The following PSMA3 variants were observed in gnomAD, a reference collection of about 807,000 sequenced individuals.
PSMA3 encodes the protein proteasome subunit alpha type-3.
Under a neutral mutation model 40.0 loss-of-function variants are expected in PSMA3, and 8 were observed. The observed-to-expected ratio is 0.20, with a 90% confidence interval of 0.12 to 0.36. The LOEUF (loss-of-function observed/expected upper bound fraction) is 0.36, where lower values mean the gene tolerates loss of function less well. Ranked by LOEUF, PSMA3 falls within the 10% of genes least tolerant of loss-of-function variation. The pLI, the probability that PSMA3 is intolerant of heterozygous loss-of-function variation, is 1.00. For synonymous variants in PSMA3, 110 were observed against 100.0 expected (o/e 1.10, Z -0.59); for missense variants, 219 against 310.6 (o/e 0.70, Z 2.22).
chr14:58,270,386 C>T (rs767156473), intron 8 of PSMA3, 32 bp from the exon 9 acceptor site: 1 of 1,611,614 alleles, frequency 6.2e-7, no homozygotes, highest in Non-Finnish European at 8.5e-7. Flanking sequence ...TTGGAGGTTA[C>T]CAAAATCTTA....
intron 3 of PSMA3, among the ~76,000 whole-genome samples, chr14:58,255,202 TAC>T: frequency 6.6e-6 from 1 of 151,684 alleles, no homozygotes; most frequent in South Asian, 2.1e-4. Context: ...TTTTTTTAAA[TAC>T]ACACATAGTG....
intron 3 of PSMA3, among the ~76,000 whole-genome samples, chr14:58,256,663 C>T (rs544373207): frequency 2.0e-5 from 3 of 151,760 alleles, no homozygotes; most frequent in East Asian, 3.9e-4. Flanking sequence ...CCACCTGCCT[C>T]AGCCTCCCAA....
intron 2 of PSMA3, among the ~76,000 whole-genome samples, chr14:58,251,110 GAAGA>G (rs1003605503): frequency 6.6e-5 from 10 of 151,964 alleles, no homozygotes; most frequent in African/African-American, 2.4e-4. Flanking sequence ...TTAAAAAAAA[GAAGA>G]AAGAGAAAGT....
rs932635360 is a variant in PSMA3 at position 58,267,644 on chromosome 14, A to G, written c.590+124A>G. On this transcript the variant is annotated intron_variant, in intron 8 of 10. Coordinates refer to ENST00000216455, the MANE Select transcript of PSMA3 (RefSeq NM_002788.4). ...ACTTAGTGTATAATTTTTAGAAGGT[A>G]AATTTAACATTCTAAGAAGCCTCAC... is the stretch of plus-strand genomic sequence containing the variant. 1.7e-5 allele frequency: 22 copies of G among 1,277,950 alleles called. No homozygotes were observed. In the African/African-American group the frequency reaches 3.2e-4, roughly 19 times the overall value. The allele number at this position is 1,277,950 out of a possible 1,614,324, so 79.2% of individuals were successfully genotyped here.
At chr14:58,256,682 G>T (rs142928654) in intron 3 of PSMA3, among the ~76,000 whole-genome samples, 2,094 of 151,928 alleles carry the variant, frequency 0.014, 45 homozygotes, top group African/African-American at 0.048. Flanking sequence ...AAAGTGCTGG[G>T]ATTACAGGTG....
intron 5 of PSMA3, among the ~76,000 whole-genome samples, chr14:58,260,136 G>A (rs1296313861): frequency 6.6e-6 from 1 of 152,142 alleles, no homozygotes; most frequent in Non-Finnish European, 1.5e-5. Flanking sequence ...TGGTATTTGT[G>A]GGGGATTGGT....
chr14:58,268,611 A>ATC (rs1442886303), intron 8 of PSMA3: 1 of 152,180 alleles, frequency 6.6e-6, no homozygotes, highest in African/African-American at 2.4e-5. Context: ...AGGAAGTCAG[A>ATC]TATCTTCCTT....
At chr14:58,256,960 C>A (rs1195102532) in intron 3 of PSMA3, among the ~76,000 whole-genome samples, 2 of 150,432 alleles carry the variant, frequency 1.3e-5, no homozygotes, top group African/African-American at 2.4e-5. Flanking sequence ...CCTGTCTCTA[C>A]TAAAAATATA....
At chr14:58,261,119 T>A in intron 6 of PSMA3, 99 bp downstream of exon 6, 21 of 736,984 alleles carry the variant, frequency 2.8e-5, no homozygotes, top group South Asian at 7.5e-5. Flanking sequence ...AAAAAAAAAC[T>A]CATTCAAGGA....
At chr14:58,264,342 C>T (rs1240113204) in intron 7 of PSMA3, among the ~76,000 whole-genome samples, 1 of 152,098 alleles carries the variant, frequency 6.6e-6, no homozygotes, top group Non-Finnish European at 1.5e-5. Context: ...TGCTCCTAGC[C>T]AGGTAAGGCA....
chr14:58,267,442 C>T (rs374655313), intron 7 of PSMA3, 32 bp from the exon 8 acceptor site: 62 of 1,483,694 alleles, frequency 4.2e-5, no homozygotes, highest in Non-Finnish European at 5.4e-5. Context: ...AAATGTTCTT[C>T]TGATGAACAG....
intron 3 of PSMA3, among the ~76,000 whole-genome samples, chr14:58,253,045 C>T (rs548389978): frequency 7.6e-4 from 113 of 149,088 alleles, no homozygotes; most frequent in African/African-American, 2.6e-3. Flanking sequence ...AGTGCAGTGG[C>T]GCCATCTCAG....
chr14:58,268,698 G>C (rs889612741), intron 8 of PSMA3: 2 of 152,184 alleles, frequency 1.3e-5, no homozygotes, highest in African/African-American at 4.8e-5. Context: ...CTGGAAATCA[G>C]TTCTTACCAT....
At chr14:58,253,618 G>A (rs1281720774) in intron 3 of PSMA3, among the ~76,000 whole-genome samples, 3 of 151,982 alleles carry the variant, frequency 2.0e-5, no homozygotes, top group South Asian at 2.1e-4. Context: ...TTTTGAGATG[G>A]AGTCTCACTC....
chr14:58,265,666 C>A (rs1566643892), intron 7 of PSMA3: 4 of 152,168 alleles, frequency 2.6e-5, no homozygotes, highest in Non-Finnish European at 4.4e-5. Context: ...GGTCTGTTTA[C>A]TAAAAAATAA....
At position 58,271,974 on chromosome 14, in the gene PSMA3, G is replaced by A; in HGVS notation, c.*79G>A. On this transcript the variant is annotated 3_prime_UTR_variant, in exon 11 of 11. Transcript: ENST00000216455. ...TATTTAGCCCTGGATTATACATACT[G>A]TCCAATTTTCATTAAATTTTTGTCT... 1.9e-6 allele frequency: 2 copies of A among 1,052,840 alleles called. No homozygotes were observed. Among genetic ancestry groups the A allele is most frequent in the Non-Finnish European group, 2.8e-6 (2 of 709,520 alleles). 65.2% of individuals were successfully genotyped at this position (1,052,840 alleles called of 1,614,324 possible). A position where few individuals can be genotyped will look rare whatever the true frequency, so the allele number is the denominator to read the frequency against.
chr14:58,252,668 C>T (rs1380894860), intron 3 of PSMA3, among the ~76,000 whole-genome samples: 1 of 152,098 alleles, frequency 6.6e-6, no homozygotes, highest in Admixed American at 6.6e-5. Flanking sequence ...ATAATAGTTT[C>T]ATAGGGCATC....
intron 5 of PSMA3, 59 bp downstream of exon 5, chr14:58,258,057 T>A (rs370480820): frequency 3.1e-4 from 408 of 1,330,538 alleles, no homozygotes; most frequent in Middle Eastern, 7.7e-4. Flanking sequence ...TTTATTATGT[T>A]CCCCAGCATC....
chr14:58,262,579 TTGA>T (rs1426573180), intron 6 of PSMA3, among the ~76,000 whole-genome samples: 1 of 151,808 alleles, frequency 6.6e-6, no homozygotes, highest in Non-Finnish European at 1.5e-5. Context: ...TTTTTTTTTT[TTGA>T]GACAGAGTCT....
Sources: allele counts gnomAD v4.1 joint callset (sites outside exome capture counted in the v4.1 genomes callset), GRCh38; gene constraint gnomAD v4.1.1; transcripts MANE v1.5; gene names NCBI Gene and HGNC (gene_info 2026-07-23, HGNC 2026-07-21).